Variants in COL26A1 observed in about 807,000 individuals in gnomAD.
The protein encoded by COL26A1 is collagen type XXVI alpha 1 chain.
In COL26A1, 41 loss-of-function variants were observed where a neutral mutation model predicts 59.3. The observed-to-expected ratio is 0.69, with a 90% CI of 0.54 to 0.90. The LOEUF (loss-of-function observed/expected upper bound fraction) is 0.90, where lower values mean the gene tolerates loss of function less well. Ranked by LOEUF, COL26A1 falls within the 40% of genes least tolerant of loss-of-function variation. COL26A1 has a pLI of 0.00. For synonymous variants in COL26A1, 266 were observed against 256.0 expected (o/e 1.04, Z -0.37); for missense variants, 612 against 602.3 (o/e 1.02, Z -0.17).
rs539525483 is a variant in COL26A1, at chr7:101,481,150, C to G, written c.385+33363C>G. On this transcript the variant is annotated intron_variant, in intron 3 of 12. Transcript: ENST00000313669. Reference sequence around the variant, plus strand: ...GGCAAAGAGGAGATGCCACGTTGTTCCCTCACTCTGCTGATCAGCAGACAG... The same window carrying G: ...GGCAAAGAGGAGATGCCACGTTGTTGCCTCACTCTGCTGATCAGCAGACAG... 3.3e-4 allele frequency among the ~76,000 whole-genome samples: 50 copies of G among 152,180 alleles called. 1 individual carries two copies. In the South Asian group the frequency reaches 9.7e-3, roughly 30 times the overall value.
At chr7:101,523,448 T>C (rs965391125) in intron 3 of COL26A1, among the ~76,000 whole-genome samples, 1 of 152,222 alleles carries the variant, frequency 6.6e-6, no homozygotes, top group Non-Finnish European at 1.5e-5. Flanking sequence ...GCTTAAGAAC[T>C]CTATTTTGAG....
chr7:101,545,469 C>T lies in COL26A1; in HGVS notation c.835C>T (p.Gln279Ter). The T allele has an allele frequency of 6.2e-7, 1 of 1,607,124 alleles. No individual in the cohort carries two copies. The highest frequency in any genetic ancestry group is 8.5e-7 in the Non-Finnish European group (1 of 1,177,440). Reference protein sequence around the residue: ...NSPQGALYSLQPPTDKDNGDS... With the variant: ...NSPQGALYSL Reference sequence around the variant, plus strand: ...CCCCCAGGGCGCCCTCTACTCCCTGCAGCCGCCTACAGACAAAGACAGTGA... The same window carrying T: ...CCCCCAGGGCGCCCTCTACTCCCTGTAGCCGCCTACAGACAAAGACAGTGA... The change falls in exon 7 of 13, where the codon CAG (glutamine) becomes TAG (stop). Residue 279 changes from glutamine to a stop codon, truncating the protein, a stop_gained. Coordinates refer to ENST00000313669, the MANE Select transcript of COL26A1 (RefSeq NM_001278563.3). LOFTEE classifies it high-confidence loss of function.
At chr7:101,462,573 T>C (rs569350449) in intron 3 of COL26A1, among the ~76,000 whole-genome samples, 1 of 152,314 alleles carries the variant, frequency 6.6e-6, no homozygotes, top group Admixed American at 6.5e-5. Context: ...TGCCTCAGCC[T>C]CCCAAAGTGC....
rs533949957 is a variant in COL26A1, at chr7:101,390,831, C to G, written c.158+27641C>G. On this transcript the variant is annotated intron_variant, in intron 1 of 12. Transcript: ENST00000313669. The stretch of plus-strand genomic sequence containing the variant: ...AATATCTGGTGAGGTCTCAGGGATT[C>G]CGAGGCTGGGAAGCTCAGTGGGCTG... 1.3e-3 allele frequency among the ~76,000 whole-genome samples: 197 copies of G among 152,304 alleles called. 1 individual carries two copies. Among genetic ancestry groups the G allele is most frequent in the Non-Finnish European group, 1.8e-3 (120 of 68,034 alleles).
intron 3 of COL26A1, among the ~76,000 whole-genome samples, chr7:101,449,488 GC>G: frequency 6.6e-6 from 1 of 152,220 alleles, no homozygotes; most frequent in Non-Finnish European, 1.5e-5. Flanking sequence ...AGCAATGTTA[GC>G]CGGGAATGGT....
At chr7:101,463,573 G>T (rs1193320715) in intron 3 of COL26A1, among the ~76,000 whole-genome samples, 1 of 105,898 alleles carries the variant, frequency 9.4e-6, no homozygotes, top group African/African-American at 3.9e-5. Flanking sequence ...TCTTTCACTT[G>T]TCCTTCCCTT....
intron 2 of COL26A1, among the ~76,000 whole-genome samples, chr7:101,425,630 G>T (rs1199652124): frequency 1.3e-5 from 2 of 151,390 alleles, no homozygotes; most frequent in Non-Finnish European, 2.9e-5. Flanking sequence ...CCAAGTAGCT[G>T]GGACTACAGG....
chr7:101,369,247 G>T (rs1225843233), intron 1 of COL26A1, among the ~76,000 whole-genome samples: 1 of 151,458 alleles, frequency 6.6e-6, no homozygotes. Flanking sequence ...TCTCTACTAA[G>T]AATACAAAAA....
At chr7:101,496,922 G>A (rs1407799451) in intron 3 of COL26A1, among the ~76,000 whole-genome samples, 1 of 151,564 alleles carries the variant, frequency 6.6e-6, no homozygotes, top group Non-Finnish European at 1.5e-5. Flanking sequence ...TCTGTAAAGC[G>A]AAAGTAAGTT....
rs186215073 is a variant in COL26A1, at chr7:101,544,447, G to A, written c.703+351G>A. Among the ~76,000 whole-genome samples, 876 of 150,944 alleles carry A rather than the reference G, an allele frequency of 5.8e-3. 7 individuals are homozygous for A. The highest frequency in any genetic ancestry group is 0.02 in the African/African-American group (821 of 41,076). ...TCACCATGTTGGTCAGGCTGGTCTC[G>A]AACTCCTGACCTCAGATGATCCACC... On this transcript the variant is annotated intron_variant, in intron 6 of 12. Coordinates refer to ENST00000313669, the MANE Select transcript of COL26A1 (RefSeq NM_001278563.3).
At chr7:101,435,300 C>A (rs1792888785) in intron 2 of COL26A1, among the ~76,000 whole-genome samples, 1 of 152,158 alleles carries the variant, frequency 6.6e-6, no homozygotes, top group Admixed American at 6.6e-5. Flanking sequence ...GCCTGGGCCA[C>A]AGCGAGACTC....
At chr7:101,477,740 C>T (rs995504790) in intron 3 of COL26A1, among the ~76,000 whole-genome samples, 1 of 152,124 alleles carries the variant, frequency 6.6e-6, no homozygotes, top group Non-Finnish European at 1.5e-5. Context: ...TTCTTTGAGA[C>T]TTTGAACCTA....
intron 1 of COL26A1, among the ~76,000 whole-genome samples, chr7:101,387,630 G>GCGCTCTCTCTCTCTCT (rs1554404011): frequency 4.7e-4 from 62 of 132,424 alleles, no homozygotes; most frequent in African/African-American, 1.6e-3. Context: ...TCTCTCTCTC[G>GCGCTCTCTCTCTCTCT]CTCTCTCTCT....
chr7:101,502,250 G>T (rs886325365), intron 3 of COL26A1, among the ~76,000 whole-genome samples: 21 of 152,156 alleles, frequency 1.4e-4, no homozygotes, highest in African/African-American at 5.1e-4. Context: ...GCTGAGGCGG[G>T]GGAATCACTT....
At chr7:101,409,777 T>G (rs1401891229) in intron 1 of COL26A1, among the ~76,000 whole-genome samples, 1 of 152,216 alleles carries the variant, frequency 6.6e-6, no homozygotes, top group South Asian at 2.1e-4. Flanking sequence ...GTCTTTTTTT[T>G]TGAGACGGAG....
chr7:101,377,564 C>T (rs1791348657), intron 1 of COL26A1, among the ~76,000 whole-genome samples: 1 of 152,122 alleles, frequency 6.6e-6, no homozygotes, highest in Non-Finnish European at 1.5e-5. Flanking sequence ...GTAGGTGGAA[C>T]TATAGGCATG....
At chr7:101,539,310 GTGTGTGTGTGCGTA>G (rs1370540509) in intron 4 of COL26A1, among the ~76,000 whole-genome samples, 29 of 151,370 alleles carry the variant, frequency 1.9e-4, no homozygotes, top group Admixed American at 1.8e-3. Flanking sequence ...GTGTGTGTGT[GTGTGTGTGTGCGTA>G]TGTGTGTGTG....
chr7:101,377,527 A>G (rs28435558), intron 1 of COL26A1, among the ~76,000 whole-genome samples: 7 of 152,114 alleles, frequency 4.6e-5, no homozygotes, highest in Non-Finnish European at 1.0e-4. Flanking sequence ...TCTGGACTCA[A>G]GTGATCCTTC....
At chr7:101,395,671 T>A (rs1310468482) in intron 1 of COL26A1, among the ~76,000 whole-genome samples, 1 of 152,178 alleles carries the variant, frequency 6.6e-6, no homozygotes, top group African/African-American at 2.4e-5. Flanking sequence ...ATTTTGTGAC[T>A]TTCTTGTGGT....
Sources: gnomAD v4.1 joint callset for allele counts (sites outside exome capture counted in the v4.1 genomes callset) on GRCh38, gnomAD v4.1.1 for gene constraint, MANE v1.5 for transcripts, NCBI Gene and HGNC (gene_info 2026-07-23, HGNC 2026-07-21) for gene names.